The following SHISAL1 variants were observed in gnomAD, a reference collection of about 807,000 sequenced individuals.
SHISAL1 encodes the protein shisa like 1, also known as protein shisa-like-1.
In SHISAL1, 9 loss-of-function variants were observed where a neutral mutation model predicts 22.6. That is an observed-to-expected ratio of 0.40 (90% CI 0.24 to 0.70). The LOEUF (loss-of-function observed/expected upper bound fraction) is 0.70. SHISAL1 is among the 30% of genes least tolerant of loss of function. The pLI is 0.39. For synonymous variants in SHISAL1, 119 were observed against 115.4 expected (o/e 1.03, Z -0.20); for missense variants, 246 against 270.6 (o/e 0.91, Z 0.64).
intron 4 of SHISAL1, among the ~76,000 whole-genome samples, chr22:44,269,636 G>T (rs949086199): frequency 2.1e-4 from 30 of 145,846 alleles, no homozygotes; most frequent in Non-Finnish European, 3.7e-4. Context: ...ACACACACAT[G>T]CCACAAACAA....
At chr22:44,275,744 C>T (rs1184048764) in intron 4 of SHISAL1, among the ~76,000 whole-genome samples, 1 of 152,212 alleles carries the variant, frequency 6.6e-6, no homozygotes, top group Non-Finnish European at 1.5e-5. Flanking sequence ...CTTGGTGTCT[C>T]CTTCATAAAA....
intron 4 of SHISAL1, among the ~76,000 whole-genome samples, chr22:44,252,843 A>G (rs2055057663): frequency 6.6e-6 from 1 of 151,418 alleles, no homozygotes; most frequent in Admixed American, 6.6e-5. Flanking sequence ...AAATACAAAA[A>G]AATTATCCGG....
chr22:44,265,507 C>T (rs911312219), intron 4 of SHISAL1, among the ~76,000 whole-genome samples: 8 of 152,138 alleles, frequency 5.3e-5, no homozygotes, highest in Non-Finnish European at 1.2e-4. Flanking sequence ...TCAGCCAATG[C>T]TTTGATTGCA....
At chr22:44,329,612 C>T in the SHISAL1 span, among the ~76,000 whole-genome samples, 499 of 152,332 alleles carry the variant, frequency 3.3e-3, 2 homozygotes, top group Middle Eastern at 6.8e-3. Flanking sequence ...TCAGTTTCAG[C>T]CACAAGAGGG....
chr22:44,308,140 C>T (rs1192815104), intron 1 of SHISAL1, among the ~76,000 whole-genome samples: 1 of 152,210 alleles, frequency 6.6e-6, no homozygotes, highest in Non-Finnish European at 1.5e-5. Context: ...GGGGTGACAC[C>T]TGAGCCTCAG....
intron 4 of SHISAL1, among the ~76,000 whole-genome samples, chr22:44,263,525 A>G (rs2055140989): frequency 6.6e-6 from 1 of 152,180 alleles, no homozygotes; most frequent in Non-Finnish European, 1.5e-5. Context: ...TGCCTCAACA[A>G]GGAGAAAGAG....
At chr22:44,288,223 G>A (rs1265674636) in intron 3 of SHISAL1, among the ~76,000 whole-genome samples, 1 of 152,200 alleles carries the variant, frequency 6.6e-6, no homozygotes, top group Non-Finnish European at 1.5e-5. Context: ...TTGCCTAAGA[G>A]CTCACAGCCA....
intron 4 of SHISAL1, among the ~76,000 whole-genome samples, chr22:44,253,527 C>G (rs2055063817): frequency 6.7e-6 from 1 of 148,236 alleles, no homozygotes; most frequent in African/African-American, 2.5e-5. Flanking sequence ...CTCTTGGGTT[C>G]AAGCGTTTCT....
rs1369591449 is a variant in SHISAL1, at chr22:44,249,217, C to G, written c.*468G>C. The G allele has an allele frequency of 1.3e-5, 2 of 153,648 alleles. No homozygotes were observed. Among genetic ancestry groups the G allele is most frequent in the African/African-American group, 4.8e-5 (2 of 41,436 alleles). 9.5% of individuals were successfully genotyped at this position (153,648 alleles called of 1,614,324 possible). A position where few individuals can be genotyped will look rare whatever the true frequency, so the allele number is the denominator to read the frequency against. ...AACCAAGCAAACAAAAAGAACACCC[C>G]AAATCACACACACGCACACACACAC... is the stretch of plus-strand genomic sequence containing the variant. On this transcript the variant is annotated 3_prime_UTR_variant, in exon 5 of 5. Coordinates refer to ENST00000381176, the MANE Select transcript of SHISAL1 (RefSeq NM_001099294.2).
At position 44,300,996 on chromosome 22, in the gene SHISAL1, G is replaced by A. The variant is rs758211757; in HGVS notation, c.-32-19C>T. ...GAGCTGCCTGTTCAATGAGAGCCAC[G>A]AGAGGCTGGGTGTGGGCTGTCTCGC... is the stretch of plus-strand genomic sequence containing the variant. On this transcript the variant is annotated intron_variant, in intron 1 of 4. Transcript: ENST00000381176. 13 of 1,557,116 alleles carry A rather than the reference G, an allele frequency of 8.3e-6. No homozygotes were observed. Among genetic ancestry groups the A allele is most frequent in the African/African-American group, 2.7e-5 (2 of 73,850 alleles).
chr22:44,318,346 A>G, the SHISAL1 span, among the ~76,000 whole-genome samples: 1 of 152,202 alleles, frequency 6.6e-6, no homozygotes, highest in Admixed American at 6.5e-5. Context: ...ATTTCTGGGG[A>G]ATGGAGAGGT....
the SHISAL1 span, among the ~76,000 whole-genome samples, chr22:44,318,485 G>A: frequency 2.0e-5 from 3 of 152,170 alleles, no homozygotes; most frequent in Non-Finnish European, 4.4e-5. Context: ...CACAGCCATA[G>A]CTAGAGAGAG....
At chr22:44,327,505 G>C in the SHISAL1 span, among the ~76,000 whole-genome samples, 1 of 152,192 alleles carries the variant, frequency 6.6e-6, no homozygotes, top group Non-Finnish European at 1.5e-5. Context: ...AGTAGGGCCA[G>C]TGGGACATCC....
At chr22:44,328,502 C>T in the SHISAL1 span, among the ~76,000 whole-genome samples, 1 of 152,142 alleles carries the variant, frequency 6.6e-6, no homozygotes, top group Non-Finnish European at 1.5e-5. Flanking sequence ...TCGGTGAAGT[C>T]CTGTACTGTG....
chr22:44,330,802 G>A, the SHISAL1 span, among the ~76,000 whole-genome samples: 16 of 152,300 alleles, frequency 1.1e-4, no homozygotes, highest in Middle Eastern at 3.4e-3. Context: ...GGCTGCCGCC[G>A]GGCCGGGCCA....
At chr22:44,292,560 G>A (rs1222121286) in intron 3 of SHISAL1, among the ~76,000 whole-genome samples, 1 of 152,230 alleles carries the variant, frequency 6.6e-6, no homozygotes, top group Non-Finnish European at 1.5e-5. Context: ...AGAGGAGCCT[G>A]TGATATCGTG....
In SHISAL1 at chr22:44,305,256, G is replaced by A. The variant is rs534583671; in HGVS notation, c.-32-4279C>T. Among the ~76,000 whole-genome samples, 4 of 152,242 alleles carry A rather than the reference G, an allele frequency of 2.6e-5. No homozygotes were observed. In the South Asian group the frequency reaches 6.2e-4, roughly 24 times the overall value. On this transcript the variant is annotated intron_variant, in intron 1 of 4. Coordinates refer to ENST00000381176, the MANE Select transcript of SHISAL1 (RefSeq NM_001099294.2). ...AACACCCACTTGCTGACCTGCACTC[G>A]GGGCCAGGCCCTGGGCTGGGCTCTA... is the stretch of plus-strand genomic sequence containing the variant.
At chr22:44,323,195 C>T in the SHISAL1 span, among the ~76,000 whole-genome samples, 4 of 148,516 alleles carry the variant, frequency 2.7e-5, no homozygotes, top group Non-Finnish European at 6.0e-5. Flanking sequence ...ATGCATCCAT[C>T]CACCATCCAT....
chr22:44,288,635 C>T (rs374272620), intron 3 of SHISAL1, among the ~76,000 whole-genome samples: 5 of 152,226 alleles, frequency 3.3e-5, no homozygotes, highest in East Asian at 3.9e-4. Flanking sequence ...AGCGAGACTC[C>T]GTCTCAAAAA....
Sources: allele counts gnomAD v4.1 joint callset (sites outside exome capture counted in the v4.1 genomes callset), GRCh38; gene constraint gnomAD v4.1.1; transcripts MANE v1.5; gene names NCBI Gene and HGNC (gene_info 2026-07-23, HGNC 2026-07-21).